Variants in GALNT17 observed in about 807,000 individuals in gnomAD.
GALNT17 encodes polypeptide N-acetylgalactosaminyltransferase 17, also known as UDP-GalNAc:polypeptide N-acetylgalactosaminyltransferase-like 3.
In GALNT17, 29 loss-of-function variants were observed where a neutral mutation model predicts 63.7. The observed-to-expected ratio is 0.46, with a 90% CI of 0.34 to 0.62. The LOEUF is 0.62. Ranked by LOEUF, GALNT17 falls within the 20% of genes least tolerant of loss-of-function variation. The pLI is 0.01. For missense variants in GALNT17, 603 were observed against 799.6 expected, an observed-to-expected ratio of 0.75 and a Z score of 2.97; for synonymous variants, 305 against 318.3, an observed-to-expected ratio of 0.96 and a Z score of 0.45.
chr7:71,303,581 G>T (rs1227722605), intron 1 of GALNT17, among the ~76,000 whole-genome samples: 1 of 152,120 alleles, frequency 6.6e-6, no homozygotes, highest in African/African-American at 2.4e-5. Context: ...TCTGACTTGT[G>T]CTAGAAAGAT....
chr7:71,569,161 G>A (rs568921716), intron 5 of GALNT17, among the ~76,000 whole-genome samples: 1 of 152,028 alleles, frequency 6.6e-6, no homozygotes, highest in Non-Finnish European at 1.5e-5. Context: ...TAGTAGAGAC[G>A]GGGTTTCACC....
At chr7:71,351,590 A>C (rs1792189778) in intron 2 of GALNT17, among the ~76,000 whole-genome samples, 1 of 152,106 alleles carries the variant, frequency 6.6e-6, no homozygotes, top group Admixed American at 6.6e-5. Flanking sequence ...AGACAGGCAG[A>C]GATTGGAATG....
At chr7:71,133,815 C>G (rs1028032991) in intron 1 of GALNT17, among the ~76,000 whole-genome samples, 5 of 152,166 alleles carry the variant, frequency 3.3e-5, no homozygotes, top group Admixed American at 1.3e-4. Context: ...TGGACACTAG[C>G]TGTCCCCAAC....
chr7:71,651,357 C>G (rs2117022933), intron 6 of GALNT17, among the ~76,000 whole-genome samples: 1 of 148,634 alleles, frequency 6.7e-6, no homozygotes, highest in East Asian at 2.0e-4. Flanking sequence ...GGCTAGAGTA[C>G]AGTGGTGCGA....
chr7:71,231,700 A>G (rs1789790871), intron 1 of GALNT17, among the ~76,000 whole-genome samples: 1 of 143,830 alleles, frequency 7.0e-6, no homozygotes, highest in African/African-American at 2.7e-5. Context: ...GAAAGGAGAG[A>G]GAAAAGAGAA....
At chr7:71,547,956 G>A (rs528673799) in intron 5 of GALNT17, among the ~76,000 whole-genome samples, 4 of 152,162 alleles carry the variant, frequency 2.6e-5, no homozygotes, top group South Asian at 4.1e-4. Flanking sequence ...AGTTGGGTGC[G>A]GTGGCTCTTG....
At chr7:71,651,925 T>A (rs1186182860) in intron 6 of GALNT17, among the ~76,000 whole-genome samples, 1 of 151,996 alleles carries the variant, frequency 6.6e-6, no homozygotes, top group Non-Finnish European at 1.5e-5. Context: ...GGTCTTGAAC[T>A]CCTGGCCTCA....
At chr7:71,267,642 T>G (rs1422795750) in intron 1 of GALNT17, among the ~76,000 whole-genome samples, 1 of 152,190 alleles carries the variant, frequency 6.6e-6, no homozygotes, top group African/African-American at 2.4e-5. Context: ...GGCTCTTTTA[T>G]TCCCCTTTAT....
chr7:71,144,904 A>G (rs971084565), intron 1 of GALNT17, among the ~76,000 whole-genome samples: 2 of 151,960 alleles, frequency 1.3e-5, no homozygotes, highest in South Asian at 2.1e-4. Flanking sequence ...AATTTTTTGT[A>G]TTTTTAGTAG....
intron 5 of GALNT17, among the ~76,000 whole-genome samples, chr7:71,505,232 C>T (rs147666215): frequency 3.1e-4 from 47 of 152,270 alleles, no homozygotes; most frequent in South Asian, 1.0e-3. Flanking sequence ...GACCTTTGCA[C>T]GTGCTAGTCC....
chr7:71,497,551 C>T (rs553864232), intron 5 of GALNT17, among the ~76,000 whole-genome samples: 238 of 152,302 alleles, frequency 1.6e-3, no homozygotes, highest in African/African-American at 5.4e-3. Context: ...TTTAAAGACC[C>T]TTTCTCCAAA....
chr7:71,455,539 C>T (rs1365069158), intron 5 of GALNT17, among the ~76,000 whole-genome samples: 1 of 150,478 alleles, frequency 6.6e-6, no homozygotes, highest in Non-Finnish European at 1.5e-5. Context: ...AGTCTGTATC[C>T]ATCTTCTCAT....
chr7:71,487,860 G>T (rs1460804746), intron 5 of GALNT17, among the ~76,000 whole-genome samples: 1 of 152,060 alleles, frequency 6.6e-6, no homozygotes, highest in East Asian at 1.9e-4. Flanking sequence ...CATATAGGTG[G>T]CCAGCCATCA....
chr7:71,267,292 A>G (rs1790507763), intron 1 of GALNT17, among the ~76,000 whole-genome samples: 1 of 152,024 alleles, frequency 6.6e-6, no homozygotes, highest in Non-Finnish European at 1.5e-5. Flanking sequence ...TGCCCTTCTC[A>G]GGCTCCACGC....
At chr7:71,533,968 G>A in intron 5 of GALNT17, among the ~76,000 whole-genome samples, 2 of 152,268 alleles carry the variant, frequency 1.3e-5, no homozygotes, top group South Asian at 4.2e-4. Flanking sequence ...CAGGAATTCG[G>A]AGTAAGGAAT....
chr7:71,157,689 A>C (rs1024154790), intron 1 of GALNT17, among the ~76,000 whole-genome samples: 1 of 151,796 alleles, frequency 6.6e-6, no homozygotes, highest in African/African-American at 2.4e-5. Flanking sequence ...TAATGAATAC[A>C]TATATAATTT....
At position 71,707,342 on chromosome 7, in the gene GALNT17, T is replaced by A. The variant is rs898566999; in HGVS notation, c.1501-3419T>A. 1.2e-4 allele frequency among the ~76,000 whole-genome samples: 19 copies of A among 152,148 alleles called. 1 individual carries two copies. The highest frequency in any genetic ancestry group is 6.5e-5 in the Admixed American group (1 of 15,278). ...CCCTCTCAGGAGTGTGAAAGATGGA[T>A]GAATGAATGCATTTTTTTTATTTTG... On this transcript the variant is annotated intron_variant, in intron 9 of 10. Transcript: ENST00000333538.
chr7:71,474,976 G>A (rs191989112), intron 5 of GALNT17, among the ~76,000 whole-genome samples: 80 of 152,134 alleles, frequency 5.3e-4, no homozygotes, highest in East Asian at 2.9e-3. Context: ...GGATGCAGCC[G>A]CAAGCCAAGG....
chr7:71,316,654 C>T (rs555217373), intron 1 of GALNT17, among the ~76,000 whole-genome samples: 6 of 152,214 alleles, frequency 3.9e-5, no homozygotes, highest in African/African-American at 1.4e-4. Flanking sequence ...CACCCATACC[C>T]GCATACCTAG....
Sources: gnomAD v4.1 joint callset for allele counts (sites outside exome capture counted in the v4.1 genomes callset) on GRCh38, gnomAD v4.1.1 for gene constraint, MANE v1.5 for transcripts, NCBI Gene and HGNC (gene_info 2026-07-23, HGNC 2026-07-21) for gene names.